EHBP1: variants seen among roughly 807,000 people sequenced by gnomAD.
The protein encoded by EHBP1 is EH domain-binding protein 1.
Under a neutral mutation model 144.0 loss-of-function variants are expected in EHBP1, and 55 were observed. The ratio of observed to expected loss-of-function variants is 0.38; its 90% CI spans 0.31 to 0.48. The LOEUF is 0.48. Ranked by LOEUF, EHBP1 falls within the 20% of genes least tolerant of loss-of-function variation. EHBP1 has a pLI of 0.98. For synonymous variants in EHBP1, 469 were observed against 472.7 expected, an observed-to-expected ratio of 0.99 and a Z score of 0.10; for missense variants, 1,200 against 1,364.2, an observed-to-expected ratio of 0.88 and a Z score of 1.90.
chr2:62,808,349 G>A (rs1354660204), intron 5 of EHBP1, among the ~76,000 whole-genome samples: 1 of 150,668 alleles, frequency 6.6e-6, no homozygotes, highest in East Asian at 2.0e-4. Flanking sequence ...CATCTTTGAA[G>A]GTTTCTATTG....
At chr2:62,915,965 A>G (rs2054583303) in intron 10 of EHBP1, among the ~76,000 whole-genome samples, 1 of 152,198 alleles carries the variant, frequency 6.6e-6, no homozygotes, top group Non-Finnish European at 1.5e-5. Context: ...ATAATAACAT[A>G]GAACTTTAAT....
intron 10 of EHBP1, among the ~76,000 whole-genome samples, chr2:62,926,275 A>C (rs1271799062): frequency 1.3e-5 from 2 of 152,130 alleles, no homozygotes; most frequent in Admixed American, 6.6e-5. Flanking sequence ...CTAGTAGAAG[A>C]CATAGTGGAA....
Position 62,775,004 on chromosome 2 carries a change from A to G in EHBP1, c.312+3612A>G, listed in dbSNP as rs76184847. 1.6e-3 allele frequency among the ~76,000 whole-genome samples: 238 copies of G among 152,330 alleles called. 3 individuals are homozygous for G. The East Asian group carries it at 0.027, about 17-fold the overall frequency. ...AATACATAATGTATGCTAAATATAT[A>G]TAGTAGGTTACATAAATGCTCTATG... is the stretch of plus-strand genomic sequence containing the variant. On this transcript the variant is annotated intron_variant, in intron 5 of 22. Coordinates refer to ENST00000431489, the MANE Select transcript of EHBP1 (RefSeq NM_001142616.3).
chr2:62,826,154 C>T lies in EHBP1; in HGVS notation c.380C>T (p.Pro127Leu). 1 of 1,609,144 alleles carries T rather than the reference C, an allele frequency of 6.2e-7. No individual in the cohort carries two copies. Among genetic ancestry groups the T allele is most frequent in the Non-Finnish European group, 8.5e-7 (1 of 1,177,674 alleles). ...SSINMKQYAS[P>L]MPTQTDVKLK... ...ATCAATATGAAACAGTATGCAAGCC[C>T]TATGCCAACTCAGACTGATGTCAAG... The change falls in exon 6 of 23, where the codon CCT (proline) becomes CTT (leucine). Residue 127 changes from proline (P) to leucine (L), a missense_variant. By Grantham distance (98) the Pro-to-Leu change is moderately conservative. Around this residue, in one of 6 missense-constraint regions of EHBP1, gnomAD observed 137 missense variants for 190.1 expected, o/e 0.72. Transcript: ENST00000431489.
intron 7 of EHBP1, among the ~76,000 whole-genome samples, chr2:62,851,312 G>A (rs909630567): frequency 2.6e-5 from 4 of 152,038 alleles, no homozygotes; most frequent in African/African-American, 7.2e-5. Context: ...ATTTCCTATC[G>A]CTGGCATCTT....
At chr2:62,705,352 C>T (rs1211920550), upstream of EHBP1, among the ~76,000 whole-genome samples, 1 of 152,130 alleles carries the variant, frequency 6.6e-6, no homozygotes, top group Non-Finnish European at 1.5e-5. Flanking sequence ...AGCCCCGCAC[C>T]AGCGGCGCCT....
chr2:62,772,148 A>G (rs1305214679), intron 5 of EHBP1: 1 of 142,206 alleles, frequency 7.0e-6, no homozygotes, highest in Non-Finnish European at 1.5e-5. Flanking sequence ...GGAAAGAAAA[A>G]GAGAGAAAGA....
At chr2:63,031,505 T>A (rs2061245261) in intron 19 of EHBP1, among the ~76,000 whole-genome samples, 1 of 152,230 alleles carries the variant, frequency 6.6e-6, no homozygotes, top group Admixed American at 6.5e-5. Flanking sequence ...GTTTTAACTT[T>A]AGTCAAATGC....
intron 14 of EHBP1, 108 bp downstream of exon 14, chr2:62,955,768 ATTGTGAATAC>A: frequency 8.3e-7 from 1 of 1,203,728 alleles, no homozygotes; most frequent in South Asian, 1.8e-5. Flanking sequence ...CGGACTGTAC[ATTGTGAATAC>A]TTGGTGCACT....
chr2:62,767,857 A>G (rs1316331342), intron 4 of EHBP1, among the ~76,000 whole-genome samples: 1 of 150,888 alleles, frequency 6.6e-6, no homozygotes, highest in East Asian at 1.9e-4. Flanking sequence ...AAAAAAAGTC[A>G]AGACTAAGAA....
At chr2:62,969,579 A>T (rs534867483) in intron 14 of EHBP1, among the ~76,000 whole-genome samples, 1 of 152,296 alleles carries the variant, frequency 6.6e-6, no homozygotes, top group South Asian at 2.1e-4. Context: ...AACTATCTCA[A>T]ATTTAAGTTC....
At chr2:62,938,328 A>G (rs1413850570) in intron 10 of EHBP1, among the ~76,000 whole-genome samples, 2 of 152,210 alleles carry the variant, frequency 1.3e-5, no homozygotes, top group African/African-American at 4.8e-5. Flanking sequence ...AGTGTGGTGG[A>G]AAACTATTTA....
At chr2:62,787,554 C>A (rs1158270333) in intron 5 of EHBP1, among the ~76,000 whole-genome samples, 1 of 152,094 alleles carries the variant, frequency 6.6e-6, no homozygotes, top group East Asian at 1.9e-4. Flanking sequence ...GTACAAACCT[C>A]ATTAGCCATA....
chr2:62,902,865 A>C (rs1373044041), intron 10 of EHBP1, among the ~76,000 whole-genome samples: 1 of 152,216 alleles, frequency 6.6e-6, no homozygotes, highest in Non-Finnish European at 1.5e-5. Context: ...TTTATTTTAA[A>C]AGATATTAGT....
chr2:62,829,111 G>C lies in EHBP1; in HGVS notation c.495-1908G>C, dbSNP rs542892621. ...AGCCTGGCTTATAGAGTGAGACCCTGTCTTAAAAAAAAGAAAAAAAAAAAA... is the reference window on the plus strand; with the variant it reads ...AGCCTGGCTTATAGAGTGAGACCCTCTCTTAAAAAAAAGAAAAAAAAAAAA... On this transcript the variant is annotated intron_variant, in intron 6 of 22. Coordinates refer to ENST00000431489, the MANE Select transcript of EHBP1 (RefSeq NM_001142616.3). Among the ~76,000 whole-genome samples the C allele has an allele frequency of 7.4e-5, 11 of 148,352 alleles. No homozygotes were observed. In the South Asian group the frequency reaches 2.3e-3, roughly 32 times the overall value.
At position 62,680,281 on chromosome 2, in the gene EHBP1, T is replaced by C. The variant is rs2033465266; in HGVS notation, c.-296+6198T>C. On this transcript the variant is annotated intron_variant, in intron 1 of 22. Coordinates refer to the EHBP1 transcript ENST00000405015. Reference sequence around the variant, plus strand: ...TTTTCAGTGCCCCTTGGCTTCATCCTCATCCCTCACACTGTTCTACCCTCC... The same window carrying C: ...TTTTCAGTGCCCCTTGGCTTCATCCCCATCCCTCACACTGTTCTACCCTCC... Among the ~76,000 whole-genome samples the C allele has an allele frequency of 3.9e-5, 6 of 152,338 alleles. No individual in the cohort carries two copies. In the South Asian group the frequency reaches 1.2e-3, roughly 32 times the overall value.
intron 5 of EHBP1, among the ~76,000 whole-genome samples, chr2:62,789,714 CTGAATACAG>C (rs896330827): frequency 5.3e-5 from 8 of 152,200 alleles, no homozygotes; most frequent in African/African-American, 1.7e-4. Flanking sequence ...ATACCCAATG[CTGAATACAG>C]TGTTCCAGCC....
chr2:62,895,455 G>A (rs2052828829), intron 10 of EHBP1, among the ~76,000 whole-genome samples: 2 of 152,150 alleles, frequency 1.3e-5, no homozygotes, highest in African/African-American at 4.8e-5. Flanking sequence ...AGCTTCTGCT[G>A]TTACTGATAC....
chr2:62,843,274 T>G (rs542386891), intron 7 of EHBP1, among the ~76,000 whole-genome samples: 8 of 152,320 alleles, frequency 5.3e-5, no homozygotes, highest in Non-Finnish European at 1.2e-4. Context: ...GAATGAAGCT[T>G]CATTCTCTCT....
Sources: gnomAD v4.1 joint callset for allele counts (sites outside exome capture counted in the v4.1 genomes callset) on GRCh38, gnomAD v4.1.1 for gene constraint, gnomAD v4.1.1 regional missense constraint, MANE v1.5 for transcripts, NCBI Gene and HGNC (gene_info 2026-07-23, HGNC 2026-07-21) for gene names.